The following TRMT9B variants were observed in gnomAD, a reference collection of about 807,000 sequenced individuals.
TRMT9B encodes the protein probable tRNA methyltransferase 9B.
In TRMT9B, 16 loss-of-function variants were observed where a neutral mutation model predicts 11.5. The observed-to-expected ratio is 1.39, with a 90% CI of 0.94 to 2.11. TRMT9B has a LOEUF of 2.11. Ranked by LOEUF, TRMT9B falls within the 30% of genes most tolerant of loss-of-function variation. The probability of loss-of-function intolerance (pLI) is 0.00; values close to 1 mark genes in which losing one functional copy is unlikely to be tolerated. For missense variants in TRMT9B, 941 were observed against 553.8 expected, an observed-to-expected ratio of 1.70 and a Z score of -7.02; for synonymous variants, 274 against 192.4, an observed-to-expected ratio of 1.42 and a Z score of -3.51.
chr8:12,971,815 T>G (rs1803676893), intron 1 of TRMT9B, among the ~76,000 whole-genome samples: 1 of 152,250 alleles, frequency 6.6e-6, no homozygotes, highest in African/African-American at 2.4e-5. Flanking sequence ...ATTGCTTTTT[T>G]AGTGTTTAAA....
intron 1 of TRMT9B, among the ~76,000 whole-genome samples, chr8:12,949,618 C>T (rs1292080491): frequency 2.0e-5 from 3 of 152,124 alleles, no homozygotes; most frequent in African/African-American, 4.8e-5. Context: ...GTTGGTAACT[C>T]ATGTCATAGT....
rs559256844 is a variant in TRMT9B at position 13,012,093 on chromosome 8, C to T, written c.155-591C>T. 12 of 985,402 alleles carry T rather than the reference C, an allele frequency of 1.2e-5. No individual in the cohort carries two copies. In the South Asian group the frequency reaches 3.8e-4, roughly 31 times the overall value. 61.0% of individuals were successfully genotyped at this position (985,402 alleles called of 1,614,324 possible). Reference sequence around the variant, plus strand: ...ATCTTTCTTGCCTTGGACCAGCTAACGTGCCTTGGTTGCGCCAGTGTACTG... The same window carrying T: ...ATCTTTCTTGCCTTGGACCAGCTAATGTGCCTTGGTTGCGCCAGTGTACTG... On this transcript the variant is annotated intron_variant, in intron 3 of 4. Coordinates refer to ENST00000524591, the MANE Select transcript of TRMT9B (RefSeq NM_020844.3).
chr8:13,015,149 C>T (rs936871486), intron 4 of TRMT9B, among the ~76,000 whole-genome samples: 3 of 151,578 alleles, frequency 2.0e-5, no homozygotes, highest in Non-Finnish European at 4.4e-5. Context: ...CTTTTGTCTA[C>T]ACTCATTTTA....
chr8:13,017,867 G>T (rs553920255), intron 4 of TRMT9B, among the ~76,000 whole-genome samples: 1 of 151,282 alleles, frequency 6.6e-6, no homozygotes, highest in East Asian at 1.9e-4. Context: ...CAAGTGATCC[G>T]CCCACCTCAG....
chr8:13,026,134 G>A lies in TRMT9B; in HGVS notation c.*4090G>A, dbSNP rs1814658747. 1 of 166,982 alleles carries A rather than the reference G, an allele frequency of 6.0e-6. No individual in the cohort carries two copies. The highest frequency in any genetic ancestry group is 2.4e-5 in the African/African-American group (1 of 41,408). 10.3% of individuals were successfully genotyped at this position (166,982 alleles called of 1,614,324 possible). On this transcript the variant is annotated 3_prime_UTR_variant, in exon 5 of 5. Transcript: ENST00000524591. ...CCAGTTTTGGAGGAAGGAGGAAATG[G>A]GAACCAACCACCAGACAAGCAGCTG... is the stretch of plus-strand genomic sequence containing the variant.
intron 3 of TRMT9B, 110 bp downstream of exon 3, chr8:13,006,466 G>A (rs1585327743): frequency 6.4e-7 from 1 of 1,566,730 alleles, no homozygotes; most frequent in African/African-American, 1.3e-5. Flanking sequence ...CCTCATTGCT[G>A]TCATAGGTAA....
intron 3 of TRMT9B, chr8:13,010,534 T>G (rs762460122): frequency 9.1e-5 from 90 of 984,494 alleles, no homozygotes; most frequent in Non-Finnish European, 1.1e-4. Context: ...CATTCAAGAT[T>G]TAAACATGAA....
At chr8:12,991,305 C>A (rs1462957529) in intron 2 of TRMT9B, among the ~76,000 whole-genome samples, 1 of 152,120 alleles carries the variant, frequency 6.6e-6, no homozygotes, top group Non-Finnish European at 1.5e-5. Context: ...AGATTTTTAT[C>A]ACACAAAAGT....
Position 13,027,368 on chromosome 8 carries a change from G to C in TRMT9B, c.*5324G>C, listed in dbSNP as rs1814812914. 1 of 167,106 alleles carries C rather than the reference G, an allele frequency of 6.0e-6. No homozygotes were observed. Among genetic ancestry groups the C allele is most frequent in the East Asian group, 1.9e-4 (1 of 5,188 alleles). The allele number at this position is 167,106 out of a possible 1,614,324, so 10.4% of individuals were successfully genotyped here. A position where few individuals can be genotyped will look rare whatever the true frequency, so the allele number is the denominator to read the frequency against. On this transcript the variant is annotated 3_prime_UTR_variant, in exon 5 of 5. Transcript: ENST00000524591. ...CCTTAGAGAATCATGATGCATATTA[G>C]CATATTTAAGGAGTACCCTAAAGCT... is the stretch of plus-strand genomic sequence containing the variant.
chr8:12,947,277 A>G (rs1585426171), intron 1 of TRMT9B, among the ~76,000 whole-genome samples: 1 of 152,216 alleles, frequency 6.6e-6, no homozygotes, highest in African/African-American at 2.4e-5. Flanking sequence ...TCTTCCTGCA[A>G]TCTGAAGTTA....
intron 1 of TRMT9B, among the ~76,000 whole-genome samples, chr8:12,948,015 C>G (rs4831850): frequency 1.3e-5 from 2 of 152,150 alleles, no homozygotes; most frequent in African/African-American, 4.8e-5. Flanking sequence ...ACTGAGTTAA[C>G]TGAGAAAGGT....
chr8:12,954,188 G>T (rs192309809), intron 1 of TRMT9B, among the ~76,000 whole-genome samples: 17 of 152,316 alleles, frequency 1.1e-4, no homozygotes, highest in Admixed American at 1.0e-3. Flanking sequence ...CTCTGTGTAC[G>T]TGTATCTCTG....
Position 13,028,873 on chromosome 8 carries a change from C to G in TRMT9B, c.*6829C>G, listed in dbSNP as rs1815037312. On this transcript the variant is annotated 3_prime_UTR_variant, in exon 5 of 5. Coordinates refer to ENST00000524591, the MANE Select transcript of TRMT9B (RefSeq NM_020844.3). The stretch of plus-strand genomic sequence containing the variant: ...TTCTATTAATGTACAAGGAGGGACT[C>G]CACTACTAAAGTTTGTTTTACTTCT... 1 of 166,978 alleles carries G rather than the reference C, an allele frequency of 6.0e-6. No homozygotes were observed. Among genetic ancestry groups the G allele is most frequent in the Non-Finnish European group, 1.5e-5 (1 of 68,104 alleles). The allele number at this position is 166,978 out of a possible 1,614,324, so 10.3% of individuals were successfully genotyped here.
chr8:12,977,732 C>T (rs62488993), intron 1 of TRMT9B, among the ~76,000 whole-genome samples: 4,781 of 151,828 alleles, frequency 0.031, 111 homozygotes, highest in Non-Finnish European at 0.047. Context: ...TATATTCTTG[C>T]AGCTGGGTGC....
chr8:12,951,854 G>T (rs1585050071), intron 1 of TRMT9B: 1 of 151,900 alleles, frequency 6.6e-6, no homozygotes, highest in South Asian at 2.1e-4. Flanking sequence ...CGGCCGCGGC[G>T]GGAAGAAGGG....
intron 2 of TRMT9B, among the ~76,000 whole-genome samples, chr8:12,991,399 T>C (rs1366543808): frequency 6.6e-6 from 1 of 152,224 alleles, no homozygotes; most frequent in Non-Finnish European, 1.5e-5. Flanking sequence ...GAAAAAGCTA[T>C]GCATTTTGTA....
intron 2 of TRMT9B, among the ~76,000 whole-genome samples, chr8:12,997,696 G>T (rs1808615417): frequency 6.6e-6 from 1 of 152,080 alleles, no homozygotes; most frequent in South Asian, 2.1e-4. Context: ...GTGCTTCTTT[G>T]GATATTCTAG....
At chr8:13,012,021 T>C in intron 3 of TRMT9B, 1 of 985,346 alleles carries the variant, frequency 1.0e-6, no homozygotes. Flanking sequence ...AAATGAAATA[T>C]GAATGTGAGC....
chr8:12,955,089 T>C (rs1801125689), intron 1 of TRMT9B, among the ~76,000 whole-genome samples: 1 of 152,198 alleles, frequency 6.6e-6, no homozygotes, highest in Non-Finnish European at 1.5e-5. Flanking sequence ...GCAGAGAGGT[T>C]GCTGCCTAAT....
Sources: allele counts gnomAD v4.1 joint callset (sites outside exome capture counted in the v4.1 genomes callset), GRCh38; gene constraint gnomAD v4.1.1; transcripts MANE v1.5; gene names NCBI Gene and HGNC (gene_info 2026-07-23, HGNC 2026-07-21).